Variants in FEN1 observed in about 807,000 individuals in gnomAD.
The protein encoded by FEN1 is flap structure-specific endonuclease 1, also known as flap endonuclease 1.
FEN1 carries 19 observed loss-of-function variants against 24.7 expected under a neutral mutation model. The observed-to-expected ratio is 0.77, with a 90% CI of 0.54 to 1.13. FEN1 has a LOEUF of 1.13. Among genes scored for constraint, FEN1 ranks in the 50% most tolerant of loss-of-function variants. The probability of loss-of-function intolerance (pLI) is 0.00; values close to 1 mark genes in which losing one functional copy is unlikely to be tolerated. For missense variants in FEN1, 339 were observed against 488.7 expected, an observed-to-expected ratio of 0.69 and a Z score of 2.89; for synonymous variants, 155 against 189.2, an observed-to-expected ratio of 0.82 and a Z score of 1.48.
intron 1 of FEN1, among the ~76,000 whole-genome samples, chr11:61,794,866 T>C (rs1187556086): frequency 6.6e-6 from 1 of 152,238 alleles, no homozygotes; most frequent in Non-Finnish European, 1.5e-5. Flanking sequence ...CAGATATGTT[T>C]GCAATCCTTT....
chr11:61,796,889 T>G lies in FEN1; in HGVS notation c.*385T>G, dbSNP rs1591146762. The G allele has an allele frequency of 3.9e-6, 1 of 254,474 alleles. No individual in the cohort carries two copies. Among genetic ancestry groups the G allele is most frequent in the South Asian group, 4.8e-5 (1 of 20,658 alleles). 15.8% of individuals were successfully genotyped at this position (254,474 alleles called of 1,614,324 possible). ...ACTGGTGGCCAGTGGGAGGTGATGGTGGACCTAGACTGTGCTTTTCTGTCT... is the reference window on the plus strand; with the variant it reads ...ACTGGTGGCCAGTGGGAGGTGATGGGGGACCTAGACTGTGCTTTTCTGTCT... On this transcript the variant is annotated 3_prime_UTR_variant, in exon 2 of 2. Transcript: ENST00000305885.
chr11:61,795,699 A>G lies in FEN1; in HGVS notation c.338A>G (p.Gln113Arg). The G allele has an allele frequency of 3.7e-6, 6 of 1,613,894 alleles. No homozygotes were observed. The highest frequency in any genetic ancestry group is 5.1e-6 in the Non-Finnish European group (6 of 1,179,954). ...RRAEAEKQLQ[Q>R]AQAAGAEQEV... ...GCTGAGGCAGAGAAGCAGCTGCAGC[A>G]GGCTCAGGCTGCTGGGGCCGAGCAG... is the stretch of plus-strand genomic sequence containing the variant. The change falls in exon 2 of 2, where the codon CAG becomes CGG. Residue 113 changes from glutamine to arginine, a missense_variant. Transcript: ENST00000305885. The surrounding 1 kb of genome is among the most constrained non-coding windows in gnomAD (Gnocchi z 4.1).
In FEN1 at chr11:61,796,883, T is replaced by G. The variant is rs1591146759; in HGVS notation, c.*379T>G. The G allele has an allele frequency of 3.9e-6, 1 of 253,872 alleles. No individual in the cohort carries two copies. The highest frequency in any genetic ancestry group is 8.3e-6 in the Non-Finnish European group (1 of 119,954). The allele number at this position is 253,872 out of a possible 1,614,324, so 15.7% of individuals were successfully genotyped here. ...TGGCCAACTGGTGGCCAGTGGGAGG[T>G]GATGGTGGACCTAGACTGTGCTTTT... is the stretch of plus-strand genomic sequence containing the variant. On this transcript the variant is annotated 3_prime_UTR_variant, in exon 2 of 2. Transcript: ENST00000305885.
At position 61,797,076 on chromosome 11, in the gene FEN1, T is replaced by G. The variant is rs1234884822; in HGVS notation, c.*572T>G. 2 of 168,114 alleles carry G rather than the reference T, an allele frequency of 1.2e-5. No individual in the cohort carries two copies. Among genetic ancestry groups the G allele is most frequent in the African/African-American group, 4.8e-5 (2 of 41,456 alleles). 10.4% of individuals were successfully genotyped at this position (168,114 alleles called of 1,614,324 possible). On this transcript the variant is annotated 3_prime_UTR_variant, in exon 2 of 2. Transcript: ENST00000305885. ...GGCTGTGTCTTGGGTGGGCAGAAAC[T>G]CGAACTTGCTATGTAATTTGTGTCT...
In FEN1 at chr11:61,796,402, C is replaced by T. The variant is rs181400086; in HGVS notation, c.1041C>T (p.Thr347=). ...QGRLDDFFKV[T]GSLSSAKRKE... ...GCCTGGATGATTTCTTCAAGGTGACCGGCTCACTCTCTTCAGCTAAGCGCA... is the reference window on the plus strand; with the variant it reads ...GCCTGGATGATTTCTTCAAGGTGACTGGCTCACTCTCTTCAGCTAAGCGCA... Residue 347 remains threonine, a synonymous_variant, in exon 2 of 2, where the codon ACC becomes ACT. Coordinates refer to ENST00000305885, the MANE Select transcript of FEN1 (RefSeq NM_004111.6). 2.4e-4 allele frequency: 386 copies of T among 1,613,616 alleles called. No individual in the cohort carries two copies. The highest frequency in any genetic ancestry group is 2.9e-4 in the Non-Finnish European group (337 of 1,180,008).
Position 61,795,821 on chromosome 11 carries a change from GATGCAC to G in FEN1, c.461_466del (p.Asp154_Pro156delinsAla). On this transcript the variant is annotated inframe_deletion, in exon 2 of 2. Coordinates refer to ENST00000305885, the MANE Select transcript of FEN1 (RefSeq NM_004111.6). This position sits in a 1 kb window ranked among gnomAD's most constrained non-coding sequence, Gnocchi z 4.1. ...GAGCCTCATGGGCATCCCTTATCTTGATGCACCCAGTGAGGCAGAGGCCAGCTGTGC... is the reference window on the plus strand; with the variant it reads ...GAGCCTCATGGGCATCCCTTATCTTGCCAGTGAGGCAGAGGCCAGCTGTGC... The G allele has an allele frequency of 6.2e-7, 1 of 1,614,022 alleles. No individual in the cohort carries two copies. The highest frequency in any genetic ancestry group is 8.5e-7 in the Non-Finnish European group (1 of 1,180,048).
chr11:61,793,429 G>A (rs1241633133), intron 1 of FEN1, among the ~76,000 whole-genome samples: 2 of 152,204 alleles, frequency 1.3e-5, no homozygotes, highest in East Asian at 1.9e-4. Context: ...CTGGAGAGGG[G>A]ACATTAGAGG....
Position 61,796,093 on chromosome 11 carries a change from G to A in FEN1, c.732G>A (p.Lys244=), listed in dbSNP as rs765073252. The stretch of plus-strand genomic sequence containing the variant: ...AGAGTATCCGGGGTATTGGGCCCAA[G>A]CGGGCTGTGGACCTCATCCAGAAGC... ...YCESIRGIGP[K]RAVDLIQKHK... Residue 244 remains lysine, a synonymous_variant, in exon 2 of 2, where the codon AAG becomes AAA. Coordinates refer to ENST00000305885, the MANE Select transcript of FEN1 (RefSeq NM_004111.6). 15 of 1,614,188 alleles carry A rather than the reference G, an allele frequency of 9.3e-6. No individual in the cohort carries two copies. The highest frequency in any genetic ancestry group is 1.1e-5 in the Non-Finnish European group (13 of 1,180,040).
intron 1 of FEN1, among the ~76,000 whole-genome samples, chr11:61,794,181 G>GT (rs2066806963): frequency 6.6e-6 from 1 of 152,092 alleles, no homozygotes; most frequent in Admixed American, 6.6e-5. Context: ...CACAAGATGA[G>GT]TTTTTTATTT....
At chr11:61,793,818 C>T (rs1441558764) in intron 1 of FEN1, among the ~76,000 whole-genome samples, 2 of 152,102 alleles carry the variant, frequency 1.3e-5, no homozygotes, top group African/African-American at 2.4e-5. Flanking sequence ...CATGAAAGAT[C>T]GTGATGCCAT....
Position 61,796,168 on chromosome 11 carries a change from T to C in FEN1, c.807T>C (p.Pro269=), listed in dbSNP as rs1418416002. 5.0e-6 allele frequency: 8 copies of C among 1,614,024 alleles called. No individual in the cohort carries two copies. The highest frequency in any genetic ancestry group is 5.9e-6 in the Non-Finnish European group (7 of 1,180,040). ...GGCGACTTGACCCCAACAAGTACCC[T>C]GTGCCAGAAAATTGGCTCCACAAGG... is the stretch of plus-strand genomic sequence containing the variant. The part of the protein sequence containing the change: ...IVRRLDPNKY[P]VPENWLHKEA... The change falls in exon 2 of 2, where the codon CCT becomes CCC. Residue 269 remains proline, a synonymous_variant. Transcript: ENST00000305885.
chr11:61,796,456 G>A lies in FEN1; in HGVS notation c.1095G>A (p.Lys365=). ...RKEPEPKGST[K]KKAKTGAAGK... is the part of the protein sequence containing the mutation. ...AGCCAGAACCCAAGGGATCCACTAA[G>A]AAGAAGGCAAAGACTGGGGCAGCAG... Residue 365 remains lysine (K), a synonymous_variant, in exon 2 of 2, where the codon AAG becomes AAA. Coordinates refer to ENST00000305885, the MANE Select transcript of FEN1 (RefSeq NM_004111.6). The A allele has an allele frequency of 6.2e-7, 1 of 1,612,716 alleles. No individual in the cohort carries two copies. The highest frequency in any genetic ancestry group is 8.5e-7 in the Non-Finnish European group (1 of 1,179,802).
intron 1 of FEN1, among the ~76,000 whole-genome samples, chr11:61,794,947 G>A (rs750781332): frequency 1.1e-4 from 17 of 152,194 alleles, no homozygotes; most frequent in Non-Finnish European, 2.2e-4. Context: ...TTTAGCTGGT[G>A]TATTTGCCTG....
At position 61,796,324 on chromosome 11, in the gene FEN1, C is replaced by G. The variant is rs765400166; in HGVS notation, c.963C>G (p.Ile321Met). The stretch of plus-strand genomic sequence containing the variant: ...AAAAGCAGTTCTCTGAGGAGCGAAT[C>G]CGCAGTGGGGTCAAGAGGCTGAGTA... Reference protein sequence around the residue: ...CGEKQFSEERIRSGVKRLSKS... With the variant: ...CGEKQFSEERMRSGVKRLSKS... The change falls in exon 2 of 2, where the codon ATC (isoleucine) becomes ATG (methionine). Residue 321 changes from isoleucine (I) to methionine (M), a missense_variant. Ile to Met is a conservative substitution (Grantham distance 10, BLOSUM62 1). Transcript: ENST00000305885. The G allele has an allele frequency of 7.4e-6, 12 of 1,613,156 alleles. No individual in the cohort carries two copies. Among genetic ancestry groups the G allele is most frequent in the Non-Finnish European group, 1.0e-5 (12 of 1,180,030 alleles).
In FEN1 at chr11:61,792,963, G is replaced by T. The variant is rs951046449; in HGVS notation, c.-87G>T. On this transcript the variant is annotated 5_prime_UTR_variant, in exon 1 of 2. Transcript: ENST00000305885. ...AGCTGAGAAGGGAGAGCGAGCTTAG[G>T]ACCGCCTGCCCGGGGCAACCCCGAA... 5 of 220,314 alleles carry T rather than the reference G, an allele frequency of 2.3e-5. No individual in the cohort carries two copies. Among genetic ancestry groups the T allele is most frequent in the Non-Finnish European group, 3.7e-5 (4 of 106,674 alleles). 13.6% of individuals were successfully genotyped at this position (220,314 alleles called of 1,614,324 possible).
intron 1 of FEN1, among the ~76,000 whole-genome samples, chr11:61,794,362 T>G (rs1232932856): frequency 6.6e-6 from 1 of 151,974 alleles, no homozygotes; most frequent in African/African-American, 2.4e-5. Context: ...TTTTTTGTAT[T>G]TTTAGTAGAG....
chr11:61,796,536 A>G lies in FEN1; in HGVS notation c.*32A>G, dbSNP rs779404064. 8 of 1,553,086 alleles carry G rather than the reference A, an allele frequency of 5.2e-6. No individual in the cohort carries two copies. Among genetic ancestry groups the G allele is most frequent in the Middle Eastern group, 4.7e-4 (2 of 4,242 alleles). On this transcript the variant is annotated 3_prime_UTR_variant, in exon 2 of 2. Transcript: ENST00000305885. ...TTCCCCATTATACCTCCTTCACCCC[A>G]GAATATTTGCCGTCTTGTACCCTTA...
Position 61,795,278 on chromosome 11 carries a change from T to G in FEN1, c.-21-63T>G. The G allele has an allele frequency of 2.9e-4, 408 of 1,383,932 alleles. No homozygotes were observed. The highest frequency in any genetic ancestry group is 3.7e-4 in the Non-Finnish European group (374 of 1,019,838). 85.7% of individuals were successfully genotyped at this position (1,383,932 alleles called of 1,614,324 possible). On this transcript the variant is annotated intron_variant, in intron 1 of 1. Coordinates refer to ENST00000305885, the MANE Select transcript of FEN1 (RefSeq NM_004111.6). The surrounding 1 kb of genome is among the most constrained non-coding windows in gnomAD (Gnocchi z 4.1). ...AATTTAGTTGAAGGCATGAAGTTGG[T>G]GAGATAACACCAGTTATAACCTTTC... is the stretch of plus-strand genomic sequence containing the variant.
Position 61,796,543 on chromosome 11 carries a change from T to A in FEN1, c.*39T>A. ...TTATACCTCCTTCACCCCAGAATATTTGCCGTCTTGTACCCTTAAGAGCTA... is the reference window on the plus strand; with the variant it reads ...TTATACCTCCTTCACCCCAGAATATATGCCGTCTTGTACCCTTAAGAGCTA... On this transcript the variant is annotated 3_prime_UTR_variant, in exon 2 of 2. Transcript: ENST00000305885. 2 of 1,535,894 alleles carry A rather than the reference T, an allele frequency of 1.3e-6. No homozygotes were observed. The highest frequency in any genetic ancestry group is 1.3e-5 in the South Asian group (1 of 79,178).
Sources: allele counts gnomAD v4.1 joint callset (sites outside exome capture counted in the v4.1 genomes callset), GRCh38; gene constraint gnomAD v4.1.1; non-coding constraint Gnocchi (gnomAD v3.1); transcripts MANE v1.5; gene names NCBI Gene and HGNC (gene_info 2026-07-23, HGNC 2026-07-21).